LRPAP1: variants seen among roughly 807,000 people sequenced by gnomAD.
LRPAP1 encodes LDL receptor related protein associated protein 1.
Under a neutral mutation model 39.9 loss-of-function variants are expected in LRPAP1, and 41 were observed. That is an observed-to-expected ratio of 1.03 (90% CI 0.80 to 1.33). The LOEUF is 1.33. LRPAP1 is among the 40% of genes most tolerant of loss of function. The probability of loss-of-function intolerance (pLI) is 0.00; values close to 1 mark genes in which losing one functional copy is unlikely to be tolerated. For synonymous variants in LRPAP1, 263 were observed against 212.7 expected, an observed-to-expected ratio of 1.24 and a Z score of -2.06; for missense variants, 565 against 482.3, an observed-to-expected ratio of 1.17 and a Z score of -1.61.
chr4:3,523,501 C>T (rs767640153), intron 2 of LRPAP1, among the ~76,000 whole-genome samples: 1 of 152,154 alleles, frequency 6.6e-6, no homozygotes, highest in Non-Finnish European at 1.5e-5. Flanking sequence ...TCTGCTGATG[C>T]CTGCCAATGG....
At position 3,512,814 on chromosome 4, in the gene LRPAP1, G is replaced by A. The variant is rs1435616299; in HGVS notation, c.*160C>T. 3.2e-6 allele frequency: 2 copies of A among 620,026 alleles called. No individual in the cohort carries two copies. The highest frequency in any genetic ancestry group is 5.6e-6 in the Non-Finnish European group (2 of 355,014). 38.4% of individuals were successfully genotyped at this position (620,026 alleles called of 1,614,324 possible). On this transcript the variant is annotated 3_prime_UTR_variant, in exon 8 of 8. Transcript: ENST00000650182. ...CTACCACCACCAAGCCCTGTGTCGC[G>A]ACGGCAGCGGCTGCAGTCACCAGAA... is the stretch of plus-strand genomic sequence containing the variant.
At position 3,508,661 on chromosome 4, in the gene LRPAP1, G is replaced by A. The variant is rs1729423889; in HGVS notation, c.*4313C>T. On this transcript the variant is annotated 3_prime_UTR_variant, in exon 8 of 8. Transcript: ENST00000650182. Reference sequence around the variant, plus strand: ...AGGTCATCTTGGCATATGAAAGTCAGCGTAATTCACTACAGTAATGCGGTA... The same window carrying A: ...AGGTCATCTTGGCATATGAAAGTCAACGTAATTCACTACAGTAATGCGGTA... The A allele has an allele frequency of 6.6e-6, 1 of 152,218 alleles. No homozygotes were observed. The highest frequency in any genetic ancestry group is 1.5e-5 in the Non-Finnish European group (1 of 68,056). The allele number at this position is 152,218 out of a possible 1,614,324, so 9.4% of individuals were successfully genotyped here.
At chr4:3,531,257 T>A (rs1479155105) in intron 1 of LRPAP1, among the ~76,000 whole-genome samples, 1 of 152,182 alleles carries the variant, frequency 6.6e-6, no homozygotes, top group Non-Finnish European at 1.5e-5. Flanking sequence ...CGCAGTCTTA[T>A]AACCGTCTGT....
At chr4:3,518,718 C>G (rs1025905607) in intron 4 of LRPAP1, among the ~76,000 whole-genome samples, 153 bp downstream of exon 4, 2 of 151,860 alleles carry the variant, frequency 1.3e-5, no homozygotes, top group Non-Finnish European at 2.9e-5. Flanking sequence ...CGGTGGAACC[C>G]TGGGAGGGCG....
rs1484672889 is a variant in LRPAP1 at position 3,508,236 on chromosome 4, C to T, written c.*4738G>A. 6.6e-6 allele frequency: 1 copy of T among 152,194 alleles called. No homozygotes were observed. The highest frequency in any genetic ancestry group is 1.5e-5 in the Non-Finnish European group (1 of 68,044). 9.4% of individuals were successfully genotyped at this position (152,194 alleles called of 1,614,324 possible). On this transcript the variant is annotated 3_prime_UTR_variant, in exon 8 of 8. Coordinates refer to ENST00000650182, the MANE Select transcript of LRPAP1 (RefSeq NM_002337.4). The stretch of plus-strand genomic sequence containing the variant: ...GACTAGGTTGGTCTCAAACTCCTGA[C>T]CTCAGGTGATCCATCCACGTTGGCC...
At chr4:3,527,090 G>C (rs1381136456) in intron 1 of LRPAP1, among the ~76,000 whole-genome samples, 1 of 150,270 alleles carries the variant, frequency 6.7e-6, no homozygotes, top group Non-Finnish European at 1.5e-5. Flanking sequence ...CTTTTGTCTG[G>C]GCCCTCCTGG....
chr4:3,515,938 G>A (rs1729679965), intron 6 of LRPAP1, 178 bp downstream of exon 6: 6 of 636,470 alleles, frequency 9.4e-6, no homozygotes, highest in Non-Finnish European at 1.6e-5. Context: ...CCTGAAACAC[G>A]AGTTCCCACG....
rs1729985353 is a variant in LRPAP1, at chr4:3,523,548, G to C, written c.349+1359C>G. ...TGGCTGGGAACAGACCACCTGCTCAGGAGTCAGAAAACCCTGACTCCAAAT... is the reference window on the plus strand; with the variant it reads ...TGGCTGGGAACAGACCACCTGCTCACGAGTCAGAAAACCCTGACTCCAAAT... On this transcript the variant is annotated intron_variant, in intron 2 of 7. Transcript: ENST00000650182. Among the ~76,000 whole-genome samples the C allele has an allele frequency of 2.0e-5, 3 of 152,178 alleles. No homozygotes were observed. The South Asian group carries it at 6.2e-4, about 31-fold the overall frequency.
intron 2 of LRPAP1, 24 bp from the exon 3 acceptor site, chr4:3,520,217 T>C (rs1729869603): frequency 3.1e-6 from 5 of 1,603,838 alleles, no homozygotes; most frequent in African/African-American, 2.7e-5. Context: ...GAGGTTCTAT[T>C]TGATATGGTT....
chr4:3,518,033 C>T lies in LRPAP1; in HGVS notation c.751+1G>A, dbSNP rs772024024. ...ACCAACAGTCCCGGGCGGGCACTCA[C>T]CAGCCTCAGTGCTGTAGCCCTGGTG... On this transcript the variant is annotated splice_donor_variant, in intron 5 of 7. Transcript: ENST00000650182. LOFTEE classifies it high-confidence loss of function. The T allele has an allele frequency of 1.2e-6, 2 of 1,601,498 alleles. No homozygotes were observed. Among genetic ancestry groups the T allele is most frequent in the Admixed American group, 3.4e-5 (2 of 59,182 alleles).
intron 6 of LRPAP1, 44 bp from the exon 7 acceptor site, chr4:3,514,972 G>C: frequency 6.3e-7 from 1 of 1,595,784 alleles, no homozygotes; most frequent in Non-Finnish European, 8.6e-7. Flanking sequence ...TCCCGTGCTC[G>C]CCACGCCATC....
chr4:3,517,766 C>T (rs76552329), intron 5 of LRPAP1: 16 of 395,772 alleles, frequency 4.0e-5, no homozygotes, highest in Middle Eastern at 6.6e-4. Context: ...GCTGGGGAGA[C>T]GCTGGGAAGG....
chr4:3,523,482 C>A (rs979825965), intron 2 of LRPAP1, among the ~76,000 whole-genome samples: 1 of 152,104 alleles, frequency 6.6e-6, no homozygotes, highest in African/African-American at 2.4e-5. Context: ...GGCGCAGCCA[C>A]ATGACATGTC....
Position 3,518,051 on chromosome 4 carries a change from C to T in LRPAP1, c.734G>A (p.Gly245Asp). 6.2e-7 allele frequency: 1 copy of T among 1,610,492 alleles called. No homozygotes were observed. Among genetic ancestry groups the T allele is most frequent in the South Asian group, 1.1e-5 (1 of 90,908 alleles). Residue 245 changes from glycine to aspartate, a missense_variant, in exon 5 of 8, where the codon GGC (glycine) becomes GAC (aspartate). Gly to Asp is a moderately conservative substitution (Grantham distance 94). Coordinates refer to ENST00000650182, the MANE Select transcript of LRPAP1 (RefSeq NM_002337.4). The stretch of plus-strand genomic sequence containing the variant: ...GCACTCACCAGCCTCAGTGCTGTAG[C>T]CCTGGTGGCTGACCCTGCGCAGGCG... Reference protein sequence around the residue: ...LDRLRRVSHQGYSTEAEFEEP... With the variant: ...LDRLRRVSHQDYSTEAEFEEP...
Position 3,509,712 on chromosome 4 carries a change from ACTGG to A in LRPAP1, c.*3258_*3261del, listed in dbSNP as rs1729451608. 4.3e-5 allele frequency: 1 copy of A among 23,504 alleles called. No individual in the cohort carries two copies. Among genetic ancestry groups the A allele is most frequent in the East Asian group, 3.6e-3 (1 of 278 alleles). 1.5% of individuals were successfully genotyped at this position (23,504 alleles called of 1,614,324 possible). On this transcript the variant is annotated 3_prime_UTR_variant, in exon 8 of 8. Transcript: ENST00000650182. ...CACACACGGCAGTCAACGCGTGGAC[ACTGG>A]AGACTGCTGAGACGCCGACTGGAGT...
chr4:3,518,899 G>T lies in LRPAP1; in HGVS notation c.564C>A (p.Val188=), dbSNP rs767426906. The change falls in exon 4 of 8, where the codon GTC becomes GTA. Residue 188 remains valine, a synonymous_variant. Coordinates refer to ENST00000650182, the MANE Select transcript of LRPAP1 (RefSeq NM_002337.4). ...CGGTCCTGCTCAGGGTCTCCAGCAGGACGTTGTACTCGTGAACTTTCTCTT... is the reference window on the plus strand; with the variant it reads ...CGGTCCTGCTCAGGGTCTCCAGCAGTACGTTGTACTCGTGAACTTTCTCTT... ...HHKEKVHEYN[V]LLETLSRTEE... 1.9e-6 allele frequency: 3 copies of T among 1,612,872 alleles called. No homozygotes were observed. Among genetic ancestry groups the T allele is most frequent in the Middle Eastern group, 1.7e-4 (1 of 5,884 alleles).
chr4:3,510,141 G>A lies in LRPAP1; in HGVS notation c.*2833C>T, dbSNP rs2108685309. 6.6e-6 allele frequency: 1 copy of A among 152,290 alleles called. No homozygotes were observed. The highest frequency in any genetic ancestry group is 1.9e-4 in the East Asian group (1 of 5,190). The allele number at this position is 152,290 out of a possible 1,614,324, so 9.4% of individuals were successfully genotyped here. A position where few individuals can be genotyped will look rare whatever the true frequency, so the allele number is the denominator to read the frequency against. ...ACCCAACTGTAGCCAAGACAGTGTGGCGGCCGGGCACCATGGCTCACACCT... is the reference window on the plus strand; with the variant it reads ...ACCCAACTGTAGCCAAGACAGTGTGACGGCCGGGCACCATGGCTCACACCT... On this transcript the variant is annotated 3_prime_UTR_variant, in exon 8 of 8. Transcript: ENST00000650182.
intron 5 of LRPAP1, among the ~76,000 whole-genome samples, chr4:3,516,706 C>T (rs889649784): frequency 4.6e-5 from 7 of 152,232 alleles, no homozygotes; most frequent in South Asian, 2.1e-4. Context: ...CAAACCAAGA[C>T]GGCTCCTGGA....
rs149473926 is a variant in LRPAP1 at position 3,516,152 on chromosome 4, G to C, written c.798C>G (p.Ser266=). The C allele has an allele frequency of 6.3e-7, 1 of 1,582,662 alleles. No individual in the cohort carries two copies. The highest frequency in any genetic ancestry group is 1.3e-5 in the African/African-American group (1 of 74,588). The change falls in exon 6 of 8, where the codon TCC becomes TCG. Residue 266 remains serine (S), a synonymous_variant. Coordinates refer to ENST00000650182, the MANE Select transcript of LRPAP1 (RefSeq NM_002337.4). ...CCAGCTCCTTGTCCGTGAGGTTGGC[G>C]GACTGCGCCAGGTCCCACAGGTCAA... The part of the protein sequence containing the change: ...RVIDLWDLAQ[S]ANLTDKELEA...
Sources: allele counts gnomAD v4.1 joint callset (sites outside exome capture counted in the v4.1 genomes callset), GRCh38; gene constraint gnomAD v4.1.1; transcripts MANE v1.5; gene names NCBI Gene and HGNC (gene_info 2026-07-23, HGNC 2026-07-21).